Variants in PLCXD1 observed in about 807,000 individuals in gnomAD.
The protein encoded by PLCXD1 is PI-PLC X domain-containing protein 1.
PLCXD1 carries 45 observed loss-of-function variants against 37.8 expected under a neutral mutation model. The observed-to-expected ratio is 1.19, with a 90% CI of 0.94 to 1.53. The LOEUF is 1.53. PLCXD1 is among the 40% of genes most tolerant of loss of function. The probability of loss-of-function intolerance (pLI) is 0.00; values close to 1 mark genes in which losing one functional copy is unlikely to be tolerated. For synonymous variants in PLCXD1, 246 were observed against 206.9 expected, an observed-to-expected ratio of 1.19 and a Z score of -1.62; for missense variants, 539 against 454.7, an observed-to-expected ratio of 1.19 and a Z score of -1.69.
chrX:280,223 G>A (rs1242295251), upstream of PLCXD1, among the ~76,000 whole-genome samples: 1 of 152,204 alleles, frequency 6.6e-6, no homozygotes. Flanking sequence ...GAGGCTCACA[G>A]CGGCCCTGCT....
chrX:299,012 G>A (rs963473503), intron 6 of PLCXD1, 85 bp from the exon 7 acceptor site: 11 of 1,021,614 alleles, frequency 1.1e-5, no homozygotes, highest in Middle Eastern at 2.1e-4. Flanking sequence ...CCTGAGATGC[G>A]AACCTCTAAT....
intron 4 of PLCXD1, among the ~76,000 whole-genome samples, 153 bp from the exon 5 acceptor site, chrX:291,346 A>T (rs1357733979): frequency 6.6e-6 from 1 of 152,004 alleles, no homozygotes; most frequent in Non-Finnish European, 1.5e-5. Flanking sequence ...GGGTTTCACC[A>T]TGTTGGCTAG....
chrX:293,653 C>G (rs1420456737), intron 6 of PLCXD1, among the ~76,000 whole-genome samples: 2 of 152,270 alleles, frequency 1.3e-5, no homozygotes, highest in Non-Finnish European at 1.5e-5. Context: ...GAGGGATCAA[C>G]AAGGTGTGGT....
chrX:287,215 A>G (rs1302200495), intron 2 of PLCXD1, among the ~76,000 whole-genome samples: 1 of 146,494 alleles, frequency 6.8e-6, no homozygotes, highest in Non-Finnish European at 1.5e-5. Context: ...TTATATATAA[A>G]CATACATATT....
chrX:283,346 A>C (rs2069335895), intron 1 of PLCXD1: 1 of 151,572 alleles, frequency 6.6e-6, no homozygotes, highest in African/African-American at 2.4e-5. Context: ...AACCCCAGGC[A>C]GGAGACCAGC....
intron 3 of PLCXD1, among the ~76,000 whole-genome samples, chrX:289,490 C>T (rs1369204092): frequency 6.7e-6 from 1 of 150,122 alleles, no homozygotes; most frequent in East Asian, 2.0e-4. Context: ...CCAGCAGAGA[C>T]AACACCTTTC....
rs9785927 is a variant in PLCXD1 at position 284,193 on chromosome X, T to C, written c.6T>C (p.Gly2=). M[G]GQVSASNSFS... is the part of the protein sequence containing the mutation. The stretch of plus-strand genomic sequence containing the variant: ...TTGCCCAGGGCTCACCTCTGATGGG[T>C]GGGCAGGTGAGCGCTTCCAACAGCT... Residue 2 remains glycine, a synonymous_variant, in exon 2 of 7, where the codon GGT becomes GGC. Coordinates refer to ENST00000381657, the MANE Select transcript of PLCXD1 (RefSeq NM_018390.4). The C allele has an allele frequency of 0.74, 1,196,508 of 1,612,388 alleles. 447,605 individuals are homozygous for C. Among genetic ancestry groups the C allele is most frequent in the African/African-American group, 0.92 (69,116 of 74,988 alleles).
At chrX:282,177 A>G (rs2069293207) in intron 1 of PLCXD1, among the ~76,000 whole-genome samples, 1 of 152,194 alleles carries the variant, frequency 6.6e-6, no homozygotes, top group Non-Finnish European at 1.5e-5. Context: ...AATCAATTAG[A>G]TCTAATGATT....
At chrX:295,548 G>C (rs1332499687) in intron 6 of PLCXD1, among the ~76,000 whole-genome samples, 1 of 150,668 alleles carries the variant, frequency 6.6e-6, no homozygotes, top group Non-Finnish European at 1.5e-5. Context: ...TTTTGAGGTG[G>C]AGTCTCACTC....
At chrX:295,155 C>T (rs1569564672) in intron 6 of PLCXD1, among the ~76,000 whole-genome samples, 2 of 149,664 alleles carry the variant, frequency 1.3e-5, no homozygotes. Flanking sequence ...GGCAACAGAG[C>T]GAGACTCCAT....
intron 6 of PLCXD1, among the ~76,000 whole-genome samples, chrX:294,826 A>C (rs1432689277): frequency 6.7e-6 from 1 of 149,082 alleles, no homozygotes; most frequent in Non-Finnish European, 1.5e-5. Context: ...GACAAAATCA[A>C]ACTTCTGGGG....
rs2069980445 is a variant in PLCXD1, at chrX:300,552, ATGCATGTATATGTGTATGTG to A, written c.*1219_*1238del. ...CGTGTATGCATACATGTATATGTGTATGCATGTATATGTGTATGTGTACATGTATATGTGTTTATACATGT... is the reference window on the plus strand; with the variant it reads ...CGTGTATGCATACATGTATATGTGTATACATGTATATGTGTTTATACATGT... On this transcript the variant is annotated 3_prime_UTR_variant, in exon 7 of 7. Coordinates refer to ENST00000381657, the MANE Select transcript of PLCXD1 (RefSeq NM_018390.4). 2 of 146,926 alleles carry A rather than the reference ATGCATGTATATGTGTATGTG, an allele frequency of 1.4e-5. No individual in the cohort carries two copies. Among genetic ancestry groups the A allele is most frequent in the Non-Finnish European group, 2.9e-5 (2 of 67,946 alleles). The allele number at this position is 146,926 out of a possible 1,614,324, so 9.1% of individuals were successfully genotyped here.
At chrX:278,275 G>A (rs1194317120), upstream of PLCXD1, among the ~76,000 whole-genome samples, 1 of 152,038 alleles carries the variant, frequency 6.6e-6, no homozygotes, top group African/African-American at 2.4e-5. Flanking sequence ...CGGGGGAAGG[G>A]ACTGTGATGG....
Position 293,050 on chromosome X carries a change from C to T in PLCXD1, c.565C>T (p.Arg189Trp), listed in dbSNP as rs762822325. 55 of 1,607,764 alleles carry T rather than the reference C, an allele frequency of 3.4e-5. No individual in the cohort carries two copies. The highest frequency in any genetic ancestry group is 1.8e-4 in the Admixed American group (11 of 59,836). Residue 189 changes from arginine to tryptophan, a missense_variant, in exon 6 of 7, where the codon CGG becomes TGG. Physicochemically the swap from Arg to Trp is moderately radical, Grantham distance 101 (BLOSUM62 -3). Transcript: ENST00000381657. ...TCCTTTGCAGGAGGTGCCGACACTG[C>T]GGCAGCTGTGGTCCCGGGGCCAACA... ...LCPRGEVPTL[R>W]QLWSRGQQVI... is the part of the protein sequence containing the mutation.
At chrX:296,261 C>G (rs1017325496) in intron 6 of PLCXD1, among the ~76,000 whole-genome samples, 22 of 152,098 alleles carry the variant, frequency 1.4e-4, no homozygotes, top group African/African-American at 4.3e-4. Context: ...GCTGGGATTA[C>G]GGGCACGTAC....
chrX:284,862 G>T (rs1243487936), intron 2 of PLCXD1, among the ~76,000 whole-genome samples: 1 of 152,216 alleles, frequency 6.6e-6, no homozygotes, highest in African/African-American at 2.4e-5. Context: ...GCAGCCAACA[G>T]AGCGTGTGCT....
chrX:285,538 T>C (rs1185654417), intron 2 of PLCXD1, among the ~76,000 whole-genome samples: 2 of 126,790 alleles, frequency 1.6e-5, no homozygotes, highest in Admixed American at 8.3e-5. Context: ...CGTACATGCA[T>C]GCACACAGAC....
In PLCXD1 at chrX:290,724, C is replaced by G; in HGVS notation, c.341C>G (p.Ser114Trp). ...CGGATAGCCCACATGCTGGAGGGCT[C>G]GGAGAAGAACCTGCACTTTGTCCAT... Reference protein sequence around the residue: ...DLRIAHMLEGSEKNLHFVHMV... With the variant: ...DLRIAHMLEGWEKNLHFVHMV... The change falls in exon 4 of 7, where the codon TCG becomes TGG. Residue 114 changes from serine to tryptophan, a missense_variant. Physicochemically the swap from Ser to Trp is radical, Grantham distance 177. Transcript: ENST00000381657. 2 of 1,613,676 alleles carry G rather than the reference C, an allele frequency of 1.2e-6. No individual in the cohort carries two copies. The highest frequency in any genetic ancestry group is 1.7e-6 in the Non-Finnish European group (2 of 1,179,780).
chrX:293,508 C>G lies in PLCXD1; in HGVS notation c.733+290C>G, dbSNP rs188225545. Among the ~76,000 whole-genome samples, 318 of 152,252 alleles carry G rather than the reference C, an allele frequency of 2.1e-3. 2 individuals carry two copies. Among genetic ancestry groups the G allele is most frequent in the Non-Finnish European group, 3.6e-3 (243 of 68,034 alleles). The stretch of plus-strand genomic sequence containing the variant: ...GGCGCAGTGGTTCATGCCTGTCATC[C>G]TAGCACTTTGGGAGGCTGAGGCGGG... On this transcript the variant is annotated intron_variant, in intron 6 of 6. Coordinates refer to ENST00000381657, the MANE Select transcript of PLCXD1 (RefSeq NM_018390.4).
Sources: gnomAD v4.1 joint callset for allele counts (sites outside exome capture counted in the v4.1 genomes callset) on GRCh38, gnomAD v4.1.1 for gene constraint, MANE v1.5 for transcripts, NCBI Gene and HGNC (gene_info 2026-07-23, HGNC 2026-07-21) for gene names.